Variants in BMAL2 observed in about 807,000 individuals in gnomAD.
The protein encoded by BMAL2 is basic helix-loop-helix ARNT like 2, also known as basic helix-loop-helix ARNT-like protein 2.
the BMAL2 span, among the ~76,000 whole-genome samples, chr12:27,385,947 G>A: frequency 6.6e-6 from 1 of 152,030 alleles, no homozygotes; most frequent in African/African-American, 2.4e-5. Flanking sequence ...AGTTGTTAGT[G>A]CTTTGACATT....
chr12:27,387,169 TGC>T, the BMAL2 span: 10 of 1,063,368 alleles, frequency 9.4e-6, no homozygotes, highest in Non-Finnish European at 1.3e-5. Flanking sequence ...TGTGTGTGTG[TGC>T]GTGTGTATAA....
the BMAL2 span, among the ~76,000 whole-genome samples, chr12:27,362,959 A>G: frequency 6.6e-6 from 1 of 152,104 alleles, no homozygotes; most frequent in East Asian, 1.9e-4. Context: ...GCACACCACC[A>G]TGCTTGGCTA....
At chr12:27,425,119 TTTAGA>T in the BMAL2 span, 1 of 152,170 alleles carries the variant, frequency 6.6e-6, no homozygotes, top group Non-Finnish European at 1.5e-5. Context: ...TATTCTTGAG[TTTAGA>T]TTTGTCTTTT....
chr12:27,334,971 CCTTT>C, the BMAL2 span, among the ~76,000 whole-genome samples: 1 of 152,214 alleles, frequency 6.6e-6, no homozygotes, highest in Non-Finnish European at 1.5e-5. Context: ...CGCCCATACT[CCTTT>C]CTTTTCTTTC....
the BMAL2 span, among the ~76,000 whole-genome samples, chr12:27,372,597 G>A: frequency 6.6e-6 from 1 of 152,314 alleles, no homozygotes; most frequent in South Asian, 2.1e-4. Flanking sequence ...CACAGTGGCT[G>A]TATCATGTTA....
chr12:27,358,167 T>C, the BMAL2 span, among the ~76,000 whole-genome samples: 1 of 152,128 alleles, frequency 6.6e-6, no homozygotes, highest in Non-Finnish European at 1.5e-5. Context: ...AAAGGACTAA[T>C]ATCCAGAATC....
chr12:27,406,318 A>G, the BMAL2 span, among the ~76,000 whole-genome samples: 1 of 152,204 alleles, frequency 6.6e-6, no homozygotes, highest in African/African-American at 2.4e-5. Context: ...GAAATGAAGG[A>G]AAAAATGTTA....
chr12:27,332,899 C>G, the BMAL2 span: 1 of 249,412 alleles, frequency 4.0e-6, no homozygotes. Flanking sequence ...GGCTGCGGGG[C>G]GGCGTCCCGT....
At chr12:27,401,317 T>C in the BMAL2 span, 2 of 1,614,018 alleles carry the variant, frequency 1.2e-6, no homozygotes, top group Admixed American at 3.3e-5. Flanking sequence ...GTTATGAATA[T>C]TTTCATCAAG....
the BMAL2 span, chr12:27,390,276 C>A: frequency 6.3e-7 from 1 of 1,594,306 alleles, no homozygotes; most frequent in Non-Finnish European, 8.6e-7. Context: ...CAAAGCATGG[C>A]TATAAAATTA....
At chr12:27,347,591 C>T in the BMAL2 span, among the ~76,000 whole-genome samples, 6 of 152,132 alleles carry the variant, frequency 3.9e-5, no homozygotes, top group Admixed American at 2.0e-4. Context: ...GGTGGCCATC[C>T]ATATAGGGGA....
the BMAL2 span, among the ~76,000 whole-genome samples, chr12:27,401,066 C>T: frequency 2.0e-5 from 3 of 152,052 alleles, no homozygotes; most frequent in Non-Finnish European, 2.9e-5. Context: ...AGGCTTCATG[C>T]CTGGGTGCCT....
the BMAL2 span, among the ~76,000 whole-genome samples, chr12:27,409,686 A>G: frequency 1.3e-5 from 2 of 152,226 alleles, no homozygotes; most frequent in Admixed American, 6.5e-5. Flanking sequence ...AGGCATGGGC[A>G]AGGACTTCAT....
chr12:27,350,652 A>C, the BMAL2 span, among the ~76,000 whole-genome samples: 1 of 152,228 alleles, frequency 6.6e-6, no homozygotes, highest in African/African-American at 2.4e-5. Context: ...CAAGGTTGTG[A>C]ATAACACAAG....
the BMAL2 span, chr12:27,387,251 G>A: frequency 6.2e-7 from 1 of 1,611,962 alleles, no homozygotes; most frequent in Non-Finnish European, 8.5e-7. Flanking sequence ...TCTTATTTGT[G>A]GTTGGATGTG....
chr12:27,400,807 C>A, the BMAL2 span: 2 of 1,540,318 alleles, frequency 1.3e-6, no homozygotes, highest in South Asian at 2.5e-5. Context: ...GATTAGAATT[C>A]AATGGGATAT....
the BMAL2 span, among the ~76,000 whole-genome samples, chr12:27,405,319 C>G: frequency 6.6e-6 from 1 of 152,228 alleles, no homozygotes; most frequent in Non-Finnish European, 1.5e-5. Context: ...GTCCCTGACC[C>G]CTGAGTAGCC....
chr12:27,394,728 A>G, the BMAL2 span: 1 of 152,212 alleles, frequency 6.6e-6, no homozygotes, highest in South Asian at 2.1e-4. Flanking sequence ...TGATGCCTTA[A>G]TTCCCGACAT....
At chr12:27,370,561 C>G in the BMAL2 span, among the ~76,000 whole-genome samples, 2 of 152,222 alleles carry the variant, frequency 1.3e-5, no homozygotes, top group Admixed American at 6.5e-5. Flanking sequence ...TCCACCCTTT[C>G]TGTGGCACTG....
Sources: allele counts gnomAD v4.1 joint callset (sites outside exome capture counted in the v4.1 genomes callset), GRCh38; gene constraint gnomAD v4.1.1; transcripts MANE v1.5; gene names NCBI Gene and HGNC (gene_info 2026-07-23, HGNC 2026-07-21).